The following DENND1B variants were observed in gnomAD, a reference collection of about 807,000 sequenced individuals.
The protein encoded by DENND1B is DENN domain containing 1B.
Under a neutral mutation model 90.1 loss-of-function variants are expected in DENND1B, and 59 were observed. That is an observed-to-expected ratio of 0.65 (90% CI 0.53 to 0.81). The LOEUF is 0.81. Among genes scored for constraint, DENND1B ranks in the 40% least tolerant of loss-of-function variants. The pLI is 0.00. For synonymous variants in DENND1B, 337 were observed against 324.6 expected (o/e 1.04, Z -0.41); for missense variants, 862 against 912.6 (o/e 0.94, Z 0.71).
intron 13 of DENND1B, among the ~76,000 whole-genome samples, chr1:197,595,773 T>G (rs1449267431): frequency 6.6e-6 from 1 of 152,088 alleles, no homozygotes; most frequent in Non-Finnish European, 1.5e-5. Flanking sequence ...GAAGTCTCAT[T>G]TGCATATATA....
At chr1:197,574,117 A>C (rs1026038280) in intron 15 of DENND1B, among the ~76,000 whole-genome samples, 1 of 152,212 alleles carries the variant, frequency 6.6e-6, no homozygotes, top group African/African-American at 2.4e-5. Flanking sequence ...AAAGAAATAA[A>C]GTGTATTCAA....
chr1:197,652,224 T>C lies in DENND1B; in HGVS notation c.447+11A>G. ...ATGACTCCCAAAAACAATTACTGATTGAATACTTACCACACTCAAATTTAC... is the reference window on the plus strand; with the variant it reads ...ATGACTCCCAAAAACAATTACTGATCGAATACTTACCACACTCAAATTTAC... On this transcript the variant is annotated intron_variant, in intron 7 of 22. Transcript: ENST00000620048. The C allele has an allele frequency of 6.2e-7, 1 of 1,607,730 alleles. No homozygotes were observed.
intron 3 of DENND1B, among the ~76,000 whole-genome samples, chr1:197,707,988 T>C (rs1450188913): frequency 2.0e-5 from 3 of 151,712 alleles, no homozygotes; most frequent in Non-Finnish European, 2.9e-5. Context: ...GAAAATCAGG[T>C]CACTCCCACC....
intron 2 of DENND1B, among the ~76,000 whole-genome samples, chr1:197,759,165 T>C (rs1348906079): frequency 6.6e-6 from 1 of 151,132 alleles, no homozygotes; most frequent in Non-Finnish European, 1.5e-5. Context: ...GGAGATGGAG[T>C]TTCACACGTT....
chr1:197,779,387 G>A (rs570763625), upstream of DENND1B, among the ~76,000 whole-genome samples: 69 of 152,098 alleles, frequency 4.5e-4, no homozygotes, highest in African/African-American at 1.6e-3. Flanking sequence ...GAAGTATCTA[G>A]GTGTAGATTT....
chr1:197,756,986 T>A (rs1332777150), intron 2 of DENND1B, among the ~76,000 whole-genome samples: 1 of 150,364 alleles, frequency 6.7e-6, no homozygotes, highest in Non-Finnish European at 1.5e-5. Flanking sequence ...GTTAAATATA[T>A]TTATATATAT....
At chr1:197,761,605 C>A (rs1383563565) in intron 2 of DENND1B, among the ~76,000 whole-genome samples, 1 of 152,016 alleles carries the variant, frequency 6.6e-6, no homozygotes, top group Non-Finnish European at 1.5e-5. Context: ...TTTATAACTA[C>A]CCACGTGATA....
chr1:197,719,954 C>T (rs1661002972), intron 2 of DENND1B, among the ~76,000 whole-genome samples: 1 of 152,092 alleles, frequency 6.6e-6, no homozygotes, highest in Non-Finnish European at 1.5e-5. Flanking sequence ...ATTATGAAAT[C>T]ACATAGCTGA....
In DENND1B at chr1:197,508,053, C is replaced by T. The variant is rs1047492037; in HGVS notation, c.*2407G>A. 2.0e-5 allele frequency: 3 copies of T among 151,428 alleles called. No individual in the cohort carries two copies. Among genetic ancestry groups the T allele is most frequent in the Middle Eastern group, 3.2e-3 (1 of 316 alleles). The allele number at this position is 151,428 out of a possible 1,614,324, so 9.4% of individuals were successfully genotyped here. Reference sequence around the variant, plus strand: ...GCAACACAGTATTATAACCAAACACCTTGAAAGGTGGCTGAAAAGTAGAAC... The same window carrying T: ...GCAACACAGTATTATAACCAAACACTTTGAAAGGTGGCTGAAAAGTAGAAC... On this transcript the variant is annotated 3_prime_UTR_variant, in exon 23 of 23. Transcript: ENST00000620048.
intron 2 of DENND1B, among the ~76,000 whole-genome samples, chr1:197,739,645 T>C (rs781359052): frequency 2.0e-5 from 3 of 152,058 alleles, no homozygotes; most frequent in Admixed American, 1.3e-4. Flanking sequence ...TGAAAGACAA[T>C]GTTAGTTAAA....
intron 3 of DENND1B, among the ~76,000 whole-genome samples, chr1:197,684,343 C>G (rs1418561440): frequency 2.6e-5 from 4 of 152,118 alleles, no homozygotes; most frequent in Admixed American, 2.6e-4. Flanking sequence ...GATTTGAAAA[C>G]AAAGCCTGAA....
chr1:197,772,793 G>T, intron 2 of DENND1B, 75 bp downstream of exon 2: 1 of 1,324,716 alleles, frequency 7.5e-7, no homozygotes, highest in Non-Finnish European at 1.0e-6. Flanking sequence ...CCACTGCACA[G>T]CCTGAGGAAC....
intron 2 of DENND1B, among the ~76,000 whole-genome samples, chr1:197,770,808 A>G (rs1338477857): frequency 7.1e-6 from 1 of 140,536 alleles, no homozygotes; most frequent in Admixed American, 7.3e-5. Context: ...AAATATATAT[A>G]TAAATATATA....
intron 10 of DENND1B, among the ~76,000 whole-genome samples, chr1:197,624,315 G>A (rs1245189058): frequency 6.6e-6 from 1 of 151,590 alleles, no homozygotes; most frequent in Non-Finnish European, 1.5e-5. Context: ...GCAATACAAT[G>A]AATAAAAGAC....
At chr1:197,647,142 A>G in intron 7 of DENND1B, 28 bp from the exon 8 acceptor site, 2 of 1,392,916 alleles carry the variant, frequency 1.4e-6, no homozygotes, top group Non-Finnish European at 1.9e-6. Flanking sequence ...AAAAAAATGA[A>G]TATTTTACTT....
At chr1:197,665,637 G>T (rs1327136599) in intron 5 of DENND1B, among the ~76,000 whole-genome samples, 7 of 152,010 alleles carry the variant, frequency 4.6e-5, no homozygotes, top group Admixed American at 4.6e-4. Context: ...CTATCAATTT[G>T]TACTGTTTTA....
chr1:197,769,697 C>T (rs1478561344), intron 2 of DENND1B, among the ~76,000 whole-genome samples: 1 of 145,220 alleles, frequency 6.9e-6, no homozygotes, highest in Admixed American at 6.7e-5. Flanking sequence ...CTAATTTATA[C>T]ATTTTGTTTT....
intron 10 of DENND1B, among the ~76,000 whole-genome samples, chr1:197,625,927 G>A (rs984711825): frequency 6.6e-6 from 1 of 152,064 alleles, no homozygotes. Flanking sequence ...GACAAAGAGG[G>A]CCATTACATA....
At chr1:197,570,440 C>T (rs904502772) in intron 15 of DENND1B, among the ~76,000 whole-genome samples, 5 of 151,882 alleles carry the variant, frequency 3.3e-5, no homozygotes, top group South Asian at 2.1e-4. Context: ...CAGAGACTTT[C>T]GAAATAAATT....
Sources: allele counts gnomAD v4.1 joint callset (sites outside exome capture counted in the v4.1 genomes callset), GRCh38; gene constraint gnomAD v4.1.1; transcripts MANE v1.5; gene names NCBI Gene and HGNC (gene_info 2026-07-23, HGNC 2026-07-21).